The following TTC29 variants were observed in gnomAD, a reference collection of about 807,000 sequenced individuals.
The protein encoded by TTC29 is tetratricopeptide repeat domain 29.
Under a neutral mutation model 58.1 loss-of-function variants are expected in TTC29, and 49 were observed. The observed-to-expected ratio is 0.84, with a 90% CI of 0.67 to 1.07. TTC29 has a LOEUF of 1.07. Ranked by LOEUF, TTC29 falls within the 50% of genes least tolerant of loss-of-function variation. TTC29 has a pLI of 0.00. For synonymous variants in TTC29, 209 were observed against 196.8 expected (o/e 1.06, Z -0.52); for missense variants, 582 against 555.6 (o/e 1.05, Z -0.48).
chr4:146,866,636 T>C (rs1192313579), intron 8 of TTC29, among the ~76,000 whole-genome samples: 2 of 152,138 alleles, frequency 1.3e-5, no homozygotes, highest in Non-Finnish European at 2.9e-5. Context: ...ATGCTAATCA[T>C]TAATTAAAAA....
chr4:146,708,308 TTATATATATATATA>T lies in TTC29; in HGVS notation c.1331-771_1331-758del, dbSNP rs59963230. 3.2e-3 allele frequency among the ~76,000 whole-genome samples: 200 copies of T among 62,196 alleles called. 10 individuals carry two copies. The South Asian group carries it at 0.083, about 26-fold the overall frequency. 40.8% of individuals were successfully genotyped at this position (62,196 alleles called of 152,430 possible). A position where few individuals can be genotyped will look rare whatever the true frequency, so the allele number is the denominator to read the frequency against. On this transcript the variant is annotated intron_variant, in intron 11 of 12. Coordinates refer to ENST00000325106, the MANE Select transcript of TTC29 (RefSeq NM_031956.4). ...AATAATGAAGTCAAATATGGGAAGTTTATATATATATATATATATATATATATATATATATATAT... is the reference window on the plus strand; with the variant it reads ...AATAATGAAGTCAAATATGGGAAGTTTATATATATATATATATATATATAT...
At chr4:146,814,460 G>A in intron 10 of TTC29, among the ~76,000 whole-genome samples, 1 of 151,790 alleles carries the variant, frequency 6.6e-6, no homozygotes, top group East Asian at 1.9e-4. Context: ...GGGCACGGTG[G>A]CTCATACGTA....
intron 10 of TTC29, among the ~76,000 whole-genome samples, chr4:146,806,079 T>C (rs1445293602): frequency 6.6e-6 from 1 of 152,170 alleles, no homozygotes; most frequent in Non-Finnish European, 1.5e-5. Context: ...GGGCCAATAT[T>C]CAACACTCTT....
intron 10 of TTC29, among the ~76,000 whole-genome samples, chr4:146,808,107 T>C (rs891834397): frequency 2.0e-5 from 3 of 152,134 alleles, no homozygotes; most frequent in Non-Finnish European, 4.4e-5. Flanking sequence ...ATAAACGTAA[T>C]CTCTCACATA....
chr4:146,912,790 TG>T (rs986720597), intron 4 of TTC29, among the ~76,000 whole-genome samples: 2 of 151,946 alleles, frequency 1.3e-5, no homozygotes, highest in Non-Finnish European at 2.9e-5. Context: ...GGAGAGGTGC[TG>T]GGGGTGGAAC....
intron 11 of TTC29, among the ~76,000 whole-genome samples, chr4:146,777,926 C>G (rs1748232601): frequency 6.6e-6 from 1 of 152,170 alleles, no homozygotes; most frequent in African/African-American, 2.4e-5. Context: ...GCTCAATGAG[C>G]AAGCCTAGGG....
intron 8 of TTC29, among the ~76,000 whole-genome samples, chr4:146,841,130 T>C (rs925262053): frequency 6.6e-6 from 1 of 152,132 alleles, no homozygotes; most frequent in Non-Finnish European, 1.5e-5. Flanking sequence ...ATAACAGTAG[T>C]CTTTTGCAGG....
chr4:146,928,202 A>C (rs1735067148), intron 4 of TTC29, among the ~76,000 whole-genome samples: 1 of 152,196 alleles, frequency 6.6e-6, no homozygotes, highest in South Asian at 2.1e-4. Context: ...TTTCAGAGGC[A>C]GAATGGTATA....
chr4:146,783,973 T>C (rs1237765124), intron 11 of TTC29, among the ~76,000 whole-genome samples: 1 of 151,852 alleles, frequency 6.6e-6, no homozygotes, highest in Non-Finnish European at 1.5e-5. Context: ...CATTTCTATC[T>C]CTAACCTTTC....
intron 8 of TTC29, among the ~76,000 whole-genome samples, chr4:146,845,774 C>A (rs987779086): frequency 6.6e-6 from 1 of 152,004 alleles, no homozygotes; most frequent in Non-Finnish European, 1.5e-5. Flanking sequence ...CTGCATTGTT[C>A]TTTCTCATTT....
chr4:146,782,012 C>A (rs554622809), intron 11 of TTC29, among the ~76,000 whole-genome samples: 10 of 150,406 alleles, frequency 6.6e-5, no homozygotes, highest in African/African-American at 2.4e-4. Flanking sequence ...GAAATTGAAG[C>A]AAATAAATGA....
chr4:146,902,476 G>A (rs1048828225), intron 6 of TTC29, among the ~76,000 whole-genome samples: 1 of 152,134 alleles, frequency 6.6e-6, no homozygotes, highest in Non-Finnish European at 1.5e-5. Context: ...ACTATTCGAA[G>A]AAACACTCCA....
At chr4:146,934,122 G>A (rs1560734347) in intron 4 of TTC29, 1 of 152,390 alleles carries the variant, frequency 6.6e-6, no homozygotes, top group Non-Finnish European at 1.5e-5. Context: ...TTAAGCAGGG[G>A]AATGTCATGA....
chr4:146,913,224 A>T (rs1158089132), intron 4 of TTC29, among the ~76,000 whole-genome samples: 2 of 152,176 alleles, frequency 1.3e-5, no homozygotes, highest in Non-Finnish European at 1.5e-5. Flanking sequence ...GCCAAAATGA[A>T]GAAAATTATA....
chr4:146,734,387 T>G (rs1006993388), intron 11 of TTC29, among the ~76,000 whole-genome samples: 1 of 152,238 alleles, frequency 6.6e-6, no homozygotes, highest in South Asian at 2.1e-4. Context: ...ATGCATCTCT[T>G]CATCTGTAAC....
chr4:146,728,147 C>T (rs879310596), intron 11 of TTC29, among the ~76,000 whole-genome samples: 1 of 151,714 alleles, frequency 6.6e-6, no homozygotes, highest in Non-Finnish European at 1.5e-5. Flanking sequence ...ATTAGCCGGG[C>T]GAGGTGGTGG....
chr4:146,845,835 A>G (rs1485805408), intron 8 of TTC29, among the ~76,000 whole-genome samples: 1 of 152,002 alleles, frequency 6.6e-6, no homozygotes, highest in East Asian at 1.9e-4. Flanking sequence ...ACACACACAC[A>G]CACACACCAC....
chr4:146,790,250 G>A (rs530387581), intron 11 of TTC29, among the ~76,000 whole-genome samples: 10 of 150,812 alleles, frequency 6.6e-5, no homozygotes, highest in South Asian at 2.1e-4. Flanking sequence ...GTGCAGTGGC[G>A]CGATCTCGGC....
At chr4:146,780,622 T>C (rs1748521216) in intron 11 of TTC29, among the ~76,000 whole-genome samples, 1 of 151,970 alleles carries the variant, frequency 6.6e-6, no homozygotes, top group South Asian at 2.1e-4. Flanking sequence ...CAGCTTCTCA[T>C]ATCTCTAGAT....
Sources: gnomAD v4.1 joint callset for allele counts (sites outside exome capture counted in the v4.1 genomes callset) on GRCh38, gnomAD v4.1.1 for gene constraint, MANE v1.5 for transcripts, NCBI Gene and HGNC (gene_info 2026-07-23, HGNC 2026-07-21) for gene names.